Variants in PRKN observed in about 807,000 individuals in gnomAD.
The protein encoded by PRKN is E3 ubiquitin-protein ligase parkin.
A neutral mutation model predicts 59.5 loss-of-function variants in PRKN; 56 were observed. The observed-to-expected ratio is 0.94, with a 90% CI of 0.76 to 1.18. PRKN has a LOEUF of 1.18. Ranked by LOEUF, PRKN falls within the 50% of genes most tolerant of loss-of-function variation. PRKN has a pLI of 0.00. For missense variants in PRKN, 657 were observed against 596.4 expected (o/e 1.10, Z -1.06); for synonymous variants, 250 against 222.1 (o/e 1.13, Z -1.12).
At position 161,645,221 on chromosome 6, in the gene PRKN, A is replaced by G. The variant is rs75615974; in HGVS notation, c.872-75805T>C. Among the ~76,000 whole-genome samples, 60 of 150,038 alleles carry G rather than the reference A, an allele frequency of 4.0e-4. No individual in the cohort carries two copies. In the East Asian group the frequency reaches 0.01, roughly 26 times the overall value. On this transcript the variant is annotated intron_variant, in intron 7 of 11. Coordinates refer to ENST00000366898, the MANE Select transcript of PRKN (RefSeq NM_004562.3). ...CAAAATCTTACGGAATAATCTCAGGACTAATTTCCTCAATAAATAGCCAAA... is the reference window on the plus strand; with the variant it reads ...CAAAATCTTACGGAATAATCTCAGGGCTAATTTCCTCAATAAATAGCCAAA...
chr6:162,562,036 C>T lies in PRKN; in HGVS notation c.8-118563G>A, dbSNP rs555967157. On this transcript the variant is annotated intron_variant, in intron 1 of 11. Transcript: ENST00000366898. ...CAGTTCTCAGCTCCAGAAAAGACCC[C>T]TTCCTTCCACTTGAGGAGAGGAGAT... Among the ~76,000 whole-genome samples the T allele has an allele frequency of 5.9e-5, 9 of 152,240 alleles. No individual in the cohort carries two copies. In the South Asian group the frequency reaches 1.7e-3, roughly 28 times the overall value.
chr6:162,606,501 A>T (rs1421770100), intron 1 of PRKN, among the ~76,000 whole-genome samples: 1 of 152,216 alleles, frequency 6.6e-6, no homozygotes, highest in African/African-American at 2.4e-5. Flanking sequence ...CACACCATTG[A>T]GAGGTCATAA....
chr6:161,469,189 G>C lies in PRKN; in HGVS notation c.1083+79665C>G, dbSNP rs375032209. Among the ~76,000 whole-genome samples the C allele has an allele frequency of 4.6e-5, 7 of 152,280 alleles. No homozygotes were observed. In the East Asian group the frequency reaches 1.2e-3, roughly 25 times the overall value. Reference sequence around the variant, plus strand: ...AGGATGGGACCAGGTGGAGATAAATGAATCATGGGGGTGGTATCCCCCAGG... The same window carrying C: ...AGGATGGGACCAGGTGGAGATAAATCAATCATGGGGGTGGTATCCCCCAGG... On this transcript the variant is annotated intron_variant, in intron 9 of 11. Transcript: ENST00000366898.
intron 7 of PRKN, among the ~76,000 whole-genome samples, chr6:161,693,228 T>C (rs1222539350): frequency 6.6e-6 from 1 of 152,186 alleles, no homozygotes; most frequent in Non-Finnish European, 1.5e-5. Context: ...CACAGGGCAA[T>C]ACCAACATAG....
chr6:162,593,651 G>A (rs1781389720), intron 1 of PRKN, among the ~76,000 whole-genome samples: 1 of 152,068 alleles, frequency 6.6e-6, no homozygotes, highest in African/African-American at 2.4e-5. Context: ...GCTATGAAAG[G>A]GTGTGTACCA....
At chr6:162,276,729 A>AT (rs1315604233) in intron 2 of PRKN, among the ~76,000 whole-genome samples, 5 of 147,826 alleles carry the variant, frequency 3.4e-5, no homozygotes, top group African/African-American at 1.2e-4. Context: ...GTGTGTGTGT[A>AT]TTTAAGCACC....
intron 2 of PRKN, among the ~76,000 whole-genome samples, chr6:162,318,570 A>C (rs181975389): frequency 1.8e-4 from 27 of 152,162 alleles, no homozygotes; most frequent in Admixed American, 5.2e-4. Context: ...AGCAAAGTAC[A>C]AGAATTTCTA....
chr6:162,457,135 G>A (rs147667310), intron 1 of PRKN, among the ~76,000 whole-genome samples: 1 of 152,078 alleles, frequency 6.6e-6, no homozygotes, highest in South Asian at 2.1e-4. Flanking sequence ...AAAGCTTCCA[G>A]TACTGATTTT....
chr6:162,676,262 C>T (rs969367972), intron 1 of PRKN, among the ~76,000 whole-genome samples: 1 of 151,850 alleles, frequency 6.6e-6, no homozygotes, highest in African/African-American at 2.4e-5. Context: ...GAAAGGAAAG[C>T]GCCAAGAAGG....
At chr6:161,536,067 C>CT (rs930756201) in intron 9 of PRKN, among the ~76,000 whole-genome samples, 6 of 151,790 alleles carry the variant, frequency 4.0e-5, no homozygotes, top group African/African-American at 7.3e-5. Flanking sequence ...TCAAATACTT[C>CT]TTTTTTTTCC....
intron 8 of PRKN, among the ~76,000 whole-genome samples, chr6:161,557,445 C>A (rs1341072768): frequency 6.6e-6 from 1 of 152,120 alleles, no homozygotes; most frequent in East Asian, 1.9e-4. Flanking sequence ...GTTGCACGTT[C>A]AAGCCCCAGA....
At position 161,548,188 on chromosome 6, in the gene PRKN, C is replaced by G. The variant is rs934116743; in HGVS notation, c.1083+666G>C. ...ATTATTATCCATTTGTCATTTTAACCTATAATTTAGTAAGCCTTTTTGTGT... is the reference window on the plus strand; with the variant it reads ...ATTATTATCCATTTGTCATTTTAACGTATAATTTAGTAAGCCTTTTTGTGT... On this transcript the variant is annotated intron_variant, in intron 9 of 11. Transcript: ENST00000366898. This position sits in a 1 kb window ranked among gnomAD's most constrained non-coding sequence, Gnocchi z 4.2. Among the ~76,000 whole-genome samples the G allele has an allele frequency of 9.2e-5, 14 of 152,140 alleles. No homozygotes were observed. Among genetic ancestry groups the G allele is most frequent in the African/African-American group, 3.4e-4 (14 of 41,420 alleles).
At chr6:161,853,753 C>G (rs1043419940) in intron 6 of PRKN, among the ~76,000 whole-genome samples, 1 of 152,114 alleles carries the variant, frequency 6.6e-6, no homozygotes, top group Non-Finnish European at 1.5e-5. Flanking sequence ...CACACAATGT[C>G]AGAAACACGA....
chr6:162,511,237 C>T (rs548519939), intron 1 of PRKN, among the ~76,000 whole-genome samples: 2 of 151,664 alleles, frequency 1.3e-5, no homozygotes, highest in East Asian at 1.9e-4. Context: ...AGCTACCACT[C>T]TTTGGTATTA....
intron 3 of PRKN, among the ~76,000 whole-genome samples, chr6:162,201,820 C>T (rs1169965069): frequency 6.6e-6 from 1 of 152,124 alleles, no homozygotes; most frequent in Non-Finnish European, 1.5e-5. Flanking sequence ...CAGCTATGTG[C>T]AGAAATGGAT....
At chr6:162,384,104 A>G (rs1483704712) in intron 2 of PRKN, among the ~76,000 whole-genome samples, 1 of 152,168 alleles carries the variant, frequency 6.6e-6, no homozygotes, top group East Asian at 1.9e-4. Flanking sequence ...ACTGTCTCAC[A>G]TTCATATTAT....
At chr6:162,163,782 A>T (rs1378781025) in intron 4 of PRKN, among the ~76,000 whole-genome samples, 1 of 144,618 alleles carries the variant, frequency 6.9e-6, no homozygotes, top group Non-Finnish European at 1.5e-5. Flanking sequence ...GCACATTTAT[A>T]TCCATGCTGC....
intron 9 of PRKN, among the ~76,000 whole-genome samples, chr6:161,492,882 C>T (rs970292116): frequency 2.1e-4 from 32 of 152,186 alleles, no homozygotes; most frequent in African/African-American, 7.7e-4. Flanking sequence ...GGAAGATTCT[C>T]ACACTGGGTG....
intron 4 of PRKN, among the ~76,000 whole-genome samples, chr6:162,111,375 G>A (rs1780430166): frequency 6.6e-6 from 1 of 152,106 alleles, no homozygotes; most frequent in African/African-American, 2.4e-5. Context: ...TGAGGCAGGA[G>A]AATGGTGTGA....
Sources: gnomAD v4.1 joint callset for allele counts (sites outside exome capture counted in the v4.1 genomes callset) on GRCh38, gnomAD v4.1.1 for gene constraint, Gnocchi (gnomAD v3.1) non-coding constraint, MANE v1.5 for transcripts, NCBI Gene and HGNC (gene_info 2026-07-23, HGNC 2026-07-21) for gene names.